The following OSBPL1A variants were observed in gnomAD, a reference collection of about 807,000 sequenced individuals.
OSBPL1A encodes the protein oxysterol binding protein like 1A.
OSBPL1A carries 80 observed loss-of-function variants against 137.1 expected under a neutral mutation model. The observed-to-expected ratio is 0.58, with a 90% CI of 0.49 to 0.70. OSBPL1A has a LOEUF of 0.70. Ranked by LOEUF, OSBPL1A falls within the 30% of genes least tolerant of loss-of-function variation. The probability of loss-of-function intolerance (pLI) is 0.00; values close to 1 mark genes in which losing one functional copy is unlikely to be tolerated. For synonymous variants in OSBPL1A, 365 were observed against 389.7 expected (o/e 0.94, Z 0.75); for missense variants, 970 against 1,129.4 (o/e 0.86, Z 2.02).
intron 15 of OSBPL1A, among the ~76,000 whole-genome samples, chr18:24,277,286 TA>T (rs138587240): frequency 7.4e-5 from 11 of 148,194 alleles, no homozygotes; most frequent in Admixed American, 1.3e-4. Flanking sequence ...CAAGGGCTTG[TA>T]AAAAAAAAAG....
chr18:24,199,499 C>G lies in OSBPL1A; in HGVS notation c.1602-3299G>C, dbSNP rs997682105. ...CTGATGTGTTGATGACCTCCTACCC[C>G]CAAACAGTATGTAAACTCCATGAGA... is the stretch of plus-strand genomic sequence containing the variant. On this transcript the variant is annotated intron_variant, in intron 17 of 27. Coordinates refer to ENST00000319481, the MANE Select transcript of OSBPL1A (RefSeq NM_080597.4). Among the ~76,000 whole-genome samples the G allele has an allele frequency of 2.6e-4, 39 of 152,112 alleles. 1 individual carries two copies. The highest frequency in any genetic ancestry group is 3.2e-3 in the Middle Eastern group (1 of 316).
intron 17 of OSBPL1A, among the ~76,000 whole-genome samples, chr18:24,223,913 T>G (rs1485084905): frequency 1.3e-5 from 2 of 152,170 alleles, no homozygotes; most frequent in East Asian, 3.8e-4. Flanking sequence ...TAGAGATTGG[T>G]AGGTCTGCCA....
chr18:24,369,799 A>G (rs1006548114), intron 2 of OSBPL1A, among the ~76,000 whole-genome samples: 5 of 152,146 alleles, frequency 3.3e-5, no homozygotes, highest in Non-Finnish European at 7.3e-5. Flanking sequence ...CACTGAACCT[A>G]TCTTTTGCTT....
chr18:24,319,235 T>A (rs1170877295), intron 7 of OSBPL1A, among the ~76,000 whole-genome samples: 1 of 152,180 alleles, frequency 6.6e-6, no homozygotes, highest in African/African-American at 2.4e-5. Context: ...ATGGGGTCTC[T>A]TCCTCCATCT....
At chr18:24,171,042 GT>G (rs748362943) in intron 23 of OSBPL1A, among the ~76,000 whole-genome samples, 236 of 140,430 alleles carry the variant, frequency 1.7e-3, no homozygotes, top group East Asian at 0.016. Context: ...AATTTTTTTT[GT>G]TTTTTTTTTT....
At chr18:24,170,079 A>T (rs1157463013) in intron 24 of OSBPL1A, among the ~76,000 whole-genome samples, 2 of 152,264 alleles carry the variant, frequency 1.3e-5, no homozygotes, top group African/African-American at 2.4e-5. Flanking sequence ...AGCTATGTGA[A>T]TTAAAGCAAA....
intron 7 of OSBPL1A, among the ~76,000 whole-genome samples, chr18:24,324,049 AT>A: frequency 1.3e-5 from 1 of 78,272 alleles, no homozygotes; most frequent in Admixed American, 1.1e-4. Context: ...ATTTATACTC[AT>A]TTGGGTAAAA....
intron 15 of OSBPL1A, among the ~76,000 whole-genome samples, chr18:24,265,105 T>A (rs1365828508): frequency 6.6e-6 from 1 of 152,224 alleles, no homozygotes; most frequent in African/African-American, 2.4e-5. Context: ...ATTCTGAGAC[T>A]TTGGGATTTT....
intron 1 of OSBPL1A, among the ~76,000 whole-genome samples, chr18:24,390,612 T>C (rs2144282353): frequency 7.1e-6 from 1 of 140,654 alleles, no homozygotes. Context: ...GGAGAATCAC[T>C]TCAACCTGGG....
chr18:24,334,415 A>G, intron 5 of OSBPL1A, 85 bp from the exon 6 acceptor site: 1 of 968,974 alleles, frequency 1.0e-6, no homozygotes, highest in Non-Finnish European at 1.5e-6. Context: ...TCATGATGAG[A>G]AAAACCAAAA....
intron 15 of OSBPL1A, among the ~76,000 whole-genome samples, chr18:24,261,880 G>C (rs2089452798): frequency 1.3e-5 from 2 of 152,042 alleles, no homozygotes; most frequent in South Asian, 2.1e-4. Flanking sequence ...TCAAAGAATA[G>C]GTGTTTTTCA....
At chr18:24,218,466 T>A (rs890696600) in intron 17 of OSBPL1A, 1 of 152,186 alleles carries the variant, frequency 6.6e-6, no homozygotes, top group African/African-American at 2.4e-5. Context: ...TTTTTTGAGA[T>A]GGAGTCTCGC....
intron 1 of OSBPL1A, among the ~76,000 whole-genome samples, chr18:24,392,950 A>T (rs1171063687): frequency 6.6e-6 from 1 of 152,216 alleles, no homozygotes; most frequent in East Asian, 1.9e-4. Context: ...CTTGCCTTCC[A>T]ACGTGCTGGA....
chr18:24,346,068 C>T (rs1167332609), intron 4 of OSBPL1A, among the ~76,000 whole-genome samples: 2 of 152,124 alleles, frequency 1.3e-5, no homozygotes, highest in African/African-American at 2.4e-5. Flanking sequence ...GAGCATGATA[C>T]TTTTATTTTT....
intron 17 of OSBPL1A, among the ~76,000 whole-genome samples, chr18:24,222,133 T>C (rs2087912494): frequency 6.6e-6 from 1 of 152,204 alleles, no homozygotes; most frequent in Non-Finnish European, 1.5e-5. Context: ...TCAAGTAGTT[T>C]AAGTTTTAAC....
chr18:24,289,241 C>G (rs779639463), intron 14 of OSBPL1A, among the ~76,000 whole-genome samples: 15 of 152,114 alleles, frequency 9.9e-5, no homozygotes, highest in Non-Finnish European at 2.1e-4. Context: ...GATTTAAACA[C>G]TATCTTAACT....
intron 15 of OSBPL1A, among the ~76,000 whole-genome samples, chr18:24,260,540 C>T (rs2089419130): frequency 6.6e-6 from 1 of 152,058 alleles, no homozygotes; most frequent in Admixed American, 6.5e-5. Flanking sequence ...GGGAGAAAGC[C>T]AGACACAGAA....
At chr18:24,279,648 A>T (rs2089917827) in intron 15 of OSBPL1A, among the ~76,000 whole-genome samples, 1 of 152,058 alleles carries the variant, frequency 6.6e-6, no homozygotes, top group African/African-American at 2.4e-5. Context: ...TATATATATA[A>T]ATTAACAAAA....
chr18:24,172,335 T>A (rs1383293988), intron 22 of OSBPL1A, 41 bp downstream of exon 22: 16 of 1,453,768 alleles, frequency 1.1e-5, no homozygotes, highest in Non-Finnish European at 1.5e-5. Context: ...AACTGCTTGA[T>A]GAAAACTGAA....
Sources: allele counts gnomAD v4.1 joint callset (sites outside exome capture counted in the v4.1 genomes callset), GRCh38; gene constraint gnomAD v4.1.1; transcripts MANE v1.5; gene names NCBI Gene and HGNC (gene_info 2026-07-23, HGNC 2026-07-21).